DNM2: variants seen among roughly 807,000 people sequenced by gnomAD.
DNM2 encodes the protein dynamin-2.
DNM2 carries 15 observed loss-of-function variants against 99.0 expected under a neutral mutation model. The observed-to-expected ratio is 0.15, with a 90% confidence interval of 0.10 to 0.23. The LOEUF is 0.23. Ranked by LOEUF, DNM2 falls within the 10% of genes least tolerant of loss-of-function variation. The pLI is 1.00. For missense variants in DNM2, 742 were observed against 1,189.4 expected (o/e 0.62, Z 5.53); for synonymous variants, 525 against 481.2 (o/e 1.09, Z -1.19).
At position 10,795,517 on chromosome 19, in the gene DNM2, C is replaced by A; in HGVS notation, c.1196+78C>A. On this transcript the variant is annotated intron_variant, in intron 9 of 20. Coordinates refer to ENST00000389253, the MANE Select transcript of DNM2 (RefSeq NM_001005361.3). The surrounding 1 kb of genome is among the most constrained non-coding windows in gnomAD (Gnocchi z 4.2). Reference sequence around the variant, plus strand: ...CCCCAGCTAATTGGGTCACCCACACCTCTGAGTCCCTAATCGTTAGGCCTT... The same window carrying A: ...CCCCAGCTAATTGGGTCACCCACACATCTGAGTCCCTAATCGTTAGGCCTT... 1 of 1,519,734 alleles carries A rather than the reference C, an allele frequency of 6.6e-7. No individual in the cohort carries two copies. Among genetic ancestry groups the A allele is most frequent in the South Asian group, 1.1e-5 (1 of 89,092 alleles). The allele number at this position is 1,519,734 out of a possible 1,614,324, so 94.1% of individuals were successfully genotyped here.
chr19:10,780,514 AG>A (rs1443163559), intron 5 of DNM2, among the ~76,000 whole-genome samples: 1 of 152,114 alleles, frequency 6.6e-6, no homozygotes, highest in Non-Finnish European at 1.5e-5. Context: ...CTAAGAACGA[AG>A]GCGCTTCCAC....
chr19:10,736,873 C>T (rs1190442210), intron 1 of DNM2, among the ~76,000 whole-genome samples: 2 of 152,082 alleles, frequency 1.3e-5, no homozygotes, highest in East Asian at 1.9e-4. Context: ...CCTAGCTGGG[C>T]GCCGTGGCTT....
chr19:10,798,416 C>T lies in DNM2; in HGVS notation c.1336-70C>T, dbSNP rs1467624597. 11 of 1,352,116 alleles carry T rather than the reference C, an allele frequency of 8.1e-6. No individual in the cohort carries two copies. In the Admixed American group the frequency reaches 1.0e-4, roughly 13 times the overall value. 83.8% of individuals were successfully genotyped at this position (1,352,116 alleles called of 1,614,324 possible). On this transcript the variant is annotated intron_variant, in intron 10 of 20. Transcript: ENST00000389253. ...CCCCACCCCCCTCCGCATTTTCTAC[C>T]TGTGTGGTTCATGTTGCTTCCCGTG...
chr19:10,752,899 G>A (rs552949198), intron 1 of DNM2, among the ~76,000 whole-genome samples: 1 of 152,290 alleles, frequency 6.6e-6, no homozygotes, highest in South Asian at 2.1e-4. Context: ...CCAGCACTTT[G>A]GACTCCATTG....
intron 1 of DNM2, among the ~76,000 whole-genome samples, chr19:10,726,433 A>C (rs2069118958): frequency 6.6e-6 from 1 of 152,132 alleles, no homozygotes; most frequent in Admixed American, 6.6e-5. Flanking sequence ...CTATCAGTGC[A>C]GGCAATGTTC....
intron 5 of DNM2, chr19:10,781,292 C>T (rs980707281): frequency 3.3e-5 from 5 of 152,252 alleles, no homozygotes; most frequent in Admixed American, 3.3e-4. Context: ...TCTGGCTTCA[C>T]AGGGATCTAG....
rs1555705310 is a variant in DNM2, at chr19:10,772,054, T to TTTTTC, written c.236-421_236-420insCTTTT. ...GACGATGATTGGGTCATTATTTTCT[T>TTTTTC]TTTTATTTTATTTTATTTTATTTTA... On this transcript the variant is annotated intron_variant, in intron 2 of 20. Coordinates refer to ENST00000389253, the MANE Select transcript of DNM2 (RefSeq NM_001005361.3). This position sits in a 1 kb window ranked among gnomAD's most constrained non-coding sequence, Gnocchi z 4.9. 3.4e-5 allele frequency among the ~76,000 whole-genome samples: 5 copies of TTTTTC among 146,584 alleles called. No individual in the cohort carries two copies. The South Asian group carries it at 8.8e-4, about 26-fold the overall frequency.
chr19:10,745,611 C>T (rs920827261), intron 1 of DNM2, among the ~76,000 whole-genome samples: 5 of 152,166 alleles, frequency 3.3e-5, no homozygotes, highest in African/African-American at 9.7e-5. Flanking sequence ...GGAGGAGGAT[C>T]GCTTCAGCCC....
At position 10,816,885 on chromosome 19, in the gene DNM2, C is replaced by G. The variant is rs2072761509; in HGVS notation, c.1672-3095C>G. Among the ~76,000 whole-genome samples the G allele has an allele frequency of 6.6e-6, 1 of 152,194 alleles. No individual in the cohort carries two copies. The highest frequency in any genetic ancestry group is 6.5e-5 in the Admixed American group (1 of 15,286). On this transcript the variant is annotated intron_variant, in intron 15 of 20. Transcript: ENST00000389253. This position sits in a 1 kb window ranked among gnomAD's most constrained non-coding sequence, Gnocchi z 4.6. ...TTTTTCTCATCTGAGAGTTGAAAGC[C>G]AGAGCCCCCGACCCTCCCGTGGAGC...
At chr19:10,773,636 T>A (rs966667544) in intron 3 of DNM2, among the ~76,000 whole-genome samples, 1 of 151,852 alleles carries the variant, frequency 6.6e-6, no homozygotes, top group African/African-American at 2.4e-5. Context: ...ATTTTTTATT[T>A]TTTTTATTTT....
Position 10,793,774 on chromosome 19 carries a change from T to C in DNM2, c.1047T>C (p.Asp349=). The part of the protein sequence containing the change: ...DFEKRIEGSG[D]QVDTLELSGG... ...AGAAGAGGATCGAGGGCTCAGGAGATCAGGTGGACACTCTGGAGCTCTCCG... is the reference window on the plus strand; with the variant it reads ...AGAAGAGGATCGAGGGCTCAGGAGACCAGGTGGACACTCTGGAGCTCTCCG... Residue 349 remains aspartate (D), a synonymous_variant, in exon 8 of 21, where the codon GAT becomes GAC. Transcript: ENST00000389253. 2 of 1,614,096 alleles carry C rather than the reference T, an allele frequency of 1.2e-6. No homozygotes were observed. The highest frequency in any genetic ancestry group is 2.2e-5 in the South Asian group (2 of 91,072).
In DNM2 at chr19:10,830,140, C is replaced by T. The variant is rs374864354; in HGVS notation, c.2305C>T (p.Arg769Cys). Reference sequence around the variant, plus strand: ...CCTTCCTCACAGCCCCACTCCACAGCGCCGACCGGTGTCCAGCATACACCC... The same window carrying T: ...CCTTCCTCACAGCCCCACTCCACAGTGCCGACCGGTGTCCAGCATACACCC... ...SASSHSPTPQRRPVSSIHPPG... is the reference protein window; with the variant it reads ...SASSHSPTPQCRPVSSIHPPG... Residue 769 changes from arginine to cysteine, a missense_variant, in exon 20 of 21, where the codon CGC (arginine) becomes TGC (cysteine). By Grantham distance (180) the Arg-to-Cys change is radical. Coordinates refer to ENST00000389253, the MANE Select transcript of DNM2 (RefSeq NM_001005361.3). The surrounding 1 kb of genome is among the most constrained non-coding windows in gnomAD (Gnocchi z 4.8). The T allele has an allele frequency of 1.8e-5, 29 of 1,613,724 alleles. No homozygotes were observed. The highest frequency in any genetic ancestry group is 1.2e-4 in the South Asian group (11 of 91,092).
intron 1 of DNM2, among the ~76,000 whole-genome samples, chr19:10,720,547 A>G (rs1453047834): frequency 6.6e-6 from 1 of 151,946 alleles, no homozygotes; most frequent in East Asian, 1.9e-4. Context: ...GTAACATGAC[A>G]AGATGCCATT....
chr19:10,753,387 T>G (rs1416865735), intron 1 of DNM2, among the ~76,000 whole-genome samples: 2 of 96,810 alleles, frequency 2.1e-5, no homozygotes, highest in Admixed American at 2.2e-4. Context: ...TTCCTTCCCC[T>G]TCCCCCCTCC....
chr19:10,777,124 G>A lies in DNM2; in HGVS notation c.596G>A (p.Arg199Gln), dbSNP rs1568294706. ...LAKEVDPQGL[R>Q]TIGVITKLDL... is the part of the protein sequence containing the mutation. The stretch of plus-strand genomic sequence containing the variant: ...GACCTCTGGGCTCTTTCAGGCCTAC[G>A]GACCATCGGTGTCATCACCAAGCTT... The change falls in exon 5 of 21, where the codon CGG (arginine) becomes CAG (glutamine). Residue 199 changes from arginine to glutamine, a missense_variant. Transcript: ENST00000389253. The A allele has an allele frequency of 1.2e-6, 2 of 1,614,164 alleles. No individual in the cohort carries two copies. The highest frequency in any genetic ancestry group is 1.7e-6 in the Non-Finnish European group (2 of 1,180,032).
intron 15 of DNM2, among the ~76,000 whole-genome samples, chr19:10,814,744 T>G (rs1037206255): frequency 6.6e-6 from 1 of 152,322 alleles, no homozygotes; most frequent in South Asian, 2.1e-4. Flanking sequence ...GTGCCTGGCT[T>G]ATTTCACTTA....
At position 10,786,861 on chromosome 19, in the gene DNM2, C is replaced by A. The variant is rs2071577590; in HGVS notation, c.992+155C>A. ...TCTGCGTGCCAGGCTCCATCCTAAG[C>A]ATGGCATTCGCCCCAGTGGAGGGGA... On this transcript the variant is annotated intron_variant, in intron 7 of 20. Coordinates refer to ENST00000389253, the MANE Select transcript of DNM2 (RefSeq NM_001005361.3). 2.4e-5 allele frequency: 35 copies of A among 1,463,152 alleles called. No individual in the cohort carries two copies. In the South Asian group the frequency reaches 4.4e-4, roughly 19 times the overall value. 90.6% of individuals were successfully genotyped at this position (1,463,152 alleles called of 1,614,324 possible).
At position 10,831,052 on chromosome 19, in the gene DNM2, C is replaced by T. The variant is rs775783187; in HGVS notation, c.*5C>T. The T allele has an allele frequency of 5.6e-6, 9 of 1,599,762 alleles. No homozygotes were observed. Among genetic ancestry groups the T allele is most frequent in the Admixed American group, 3.4e-5 (2 of 58,522 alleles). On this transcript the variant is annotated 3_prime_UTR_variant, in exon 21 of 21. Coordinates refer to ENST00000389253, the MANE Select transcript of DNM2 (RefSeq NM_001005361.3). The surrounding 1 kb of genome is among the most constrained non-coding windows in gnomAD (Gnocchi z 4.3). ...GAGCCATCCCTGCTCGACTAGGCCT[C>T]GAGGGGGGCGTGCTCTCGGGGGGGC...
intron 5 of DNM2, among the ~76,000 whole-genome samples, chr19:10,778,090 A>C (rs1487111287): frequency 6.7e-6 from 1 of 149,738 alleles, no homozygotes; most frequent in African/African-American, 2.5e-5. Flanking sequence ...GCTGGAGTGC[A>C]ATGGTGCAGT....
Sources: gnomAD v4.1 joint callset for allele counts (sites outside exome capture counted in the v4.1 genomes callset) on GRCh38, gnomAD v4.1.1 for gene constraint, Gnocchi (gnomAD v3.1) non-coding constraint, MANE v1.5 for transcripts, NCBI Gene and HGNC (gene_info 2026-07-23, HGNC 2026-07-21) for gene names.